CATIP: variants seen among roughly 807,000 people sequenced by gnomAD.
CATIP encodes the protein ciliogenesis-associated TTC17-interacting protein.
Under a neutral mutation model 42.5 loss-of-function variants are expected in CATIP, and 40 were observed. That is an observed-to-expected ratio of 0.94 (90% CI 0.73 to 1.22). The LOEUF is 1.22. CATIP is among the 50% of genes most tolerant of loss of function. The probability of loss-of-function intolerance (pLI) is 0.00; values close to 1 mark genes in which losing one functional copy is unlikely to be tolerated. For synonymous variants in CATIP, 222 were observed against 200.2 expected (o/e 1.11, Z -0.92); for missense variants, 489 against 496.0 (o/e 0.99, Z 0.13).
At chr2:218,365,738 T>C (rs572480362) in intron 7 of CATIP, 50 of 152,330 alleles carry the variant, frequency 3.3e-4, no homozygotes, top group African/African-American at 1.2e-3. Flanking sequence ...CCTTTTTATT[T>C]TGAATGCCGC....
In CATIP at chr2:218,360,619, A is replaced by C. The variant is rs1255939163; in HGVS notation, c.422A>C (p.Asp141Ala). 6.2e-7 allele frequency: 1 copy of C among 1,613,836 alleles called. No individual in the cohort carries two copies. Among genetic ancestry groups the C allele is most frequent in the Non-Finnish European group, 8.5e-7 (1 of 1,179,974 alleles). Residue 141 changes from aspartate to alanine, a missense_variant, in exon 5 of 10, where the codon GAT (aspartate) becomes GCT (alanine). By Grantham distance (126) the Asp-to-Ala change is moderately radical (BLOSUM62 -2). Transcript: ENST00000289388. ...MERKMSLLKQ[D>A]DQLAVTRSIK... ...CGGAAGATGAGTTTGCTGAAGCAGG[A>C]TGATCAGCTGGCTGTGACCAGAAGT...
intron 7 of CATIP, 30 bp from the exon 8 acceptor site, chr2:218,366,994 C>A (rs753249235): frequency 8.9e-6 from 14 of 1,573,390 alleles, no homozygotes; most frequent in Non-Finnish European, 1.0e-5. Context: ...TGGGAAGATT[C>A]TCACTCTCAC....
chr2:218,367,935 G>C lies in CATIP; in HGVS notation c.1135G>C (p.Glu379Gln). 6.2e-7 allele frequency: 1 copy of C among 1,603,688 alleles called. No homozygotes were observed. The highest frequency in any genetic ancestry group is 8.5e-7 in the Non-Finnish European group (1 of 1,177,318). The change falls in exon 10 of 10, where the codon GAG becomes CAG. Residue 379 changes from glutamate to glutamine, a missense_variant. Coordinates refer to ENST00000289388, the MANE Select transcript of CATIP (RefSeq NM_198559.2). ...CAACCCTTTCCGCTCCCTGGAGCCG[G>C]AGGGAGACGCCCGCTCGGGGGCGGC... The part of the protein sequence containing the change: ...RPNPFRSLEP[E>Q]GDARSGAA
At chr2:218,363,263 A>G (rs1015984866) in intron 6 of CATIP, among the ~76,000 whole-genome samples, 1 of 144,570 alleles carries the variant, frequency 6.9e-6, no homozygotes, top group Non-Finnish European at 1.5e-5. Context: ...GGCCGATCAC[A>G]AGGTCAGGAG....
chr2:218,357,511 T>A lies in CATIP; in HGVS notation c.119-23T>A, dbSNP rs767459688. The A allele has an allele frequency of 3.1e-6, 5 of 1,605,800 alleles. No homozygotes were observed. The East Asian group carries it at 1.1e-4, about 36-fold the overall frequency. On this transcript the variant is annotated intron_variant, in intron 2 of 9. Coordinates refer to ENST00000289388, the MANE Select transcript of CATIP (RefSeq NM_198559.2). Reference sequence around the variant, plus strand: ...GGCCCAGGAGCAGGGGCTTTATCTGTTCCCACGGGCCCCTCACCCCAGACA... The same window carrying A: ...GGCCCAGGAGCAGGGGCTTTATCTGATCCCACGGGCCCCTCACCCCAGACA...
chr2:218,366,910 C>A, intron 7 of CATIP, 114 bp from the exon 8 acceptor site: 1 of 795,676 alleles, frequency 1.3e-6, no homozygotes, highest in Non-Finnish European at 2.2e-6. Flanking sequence ...ACGTAATGAC[C>A]TCCCCAAAGC....
intron 4 of CATIP, among the ~76,000 whole-genome samples, chr2:218,360,041 G>C (rs957702300): frequency 6.6e-6 from 1 of 152,008 alleles, no homozygotes; most frequent in African/African-American, 2.4e-5. Context: ...GGCCAGGCTG[G>C]TCTTGAACTC....
In CATIP at chr2:218,367,092, G is replaced by A. The variant is rs756386693; in HGVS notation, c.824G>A (p.Arg275Lys). 2 of 1,612,480 alleles carry A rather than the reference G, an allele frequency of 1.2e-6. No individual in the cohort carries two copies. The highest frequency in any genetic ancestry group is 1.1e-5 in the South Asian group (1 of 91,024). Reference sequence around the variant, plus strand: ...ATCATCACCAAGATGCCCATCTTGAGGGAAGAGGGTGAGTGAAGCCCAGGC... The same window carrying A: ...ATCATCACCAAGATGCCCATCTTGAAGGAAGAGGGTGAGTGAAGCCCAGGC... ...CCIITKMPILREEDEIEPRPV... is the reference protein window; with the variant it reads ...CCIITKMPILKEEDEIEPRPV... Residue 275 changes from arginine to lysine, a missense_variant, in exon 8 of 10, where the codon AGG (arginine) becomes AAG (lysine). By Grantham distance (26) the Arg-to-Lys change is conservative (BLOSUM62 2). Coordinates refer to ENST00000289388, the MANE Select transcript of CATIP (RefSeq NM_198559.2).
In CATIP at chr2:218,367,980, G is replaced by C. The variant is rs1204998652; in HGVS notation, c.*16G>C. On this transcript the variant is annotated 3_prime_UTR_variant, in exon 10 of 10. Coordinates refer to ENST00000289388, the MANE Select transcript of CATIP (RefSeq NM_198559.2). ...GGCGGCCTAAGCGGGGCCCAGGCCC[G>C]GACAGGGCAGGAAACCAGGGGTCGG... 2 of 1,542,576 alleles carry C rather than the reference G, an allele frequency of 1.3e-6. No homozygotes were observed. The highest frequency in any genetic ancestry group is 1.7e-6 in the Non-Finnish European group (2 of 1,149,226).
At chr2:218,357,769 C>A in intron 3 of CATIP, 35 bp downstream of exon 3, 2 of 1,581,296 alleles carry the variant, frequency 1.3e-6, no homozygotes, top group Non-Finnish European at 1.7e-6. Flanking sequence ...CGTCACTCTC[C>A]CCTTCCTCCA....
intron 2 of CATIP, 132 bp from the exon 3 acceptor site, chr2:218,357,402 T>C (rs1695067105): frequency 2.5e-6 from 2 of 798,662 alleles, no homozygotes; most frequent in East Asian, 2.6e-5. Flanking sequence ...CACCTGTCCG[T>C]GCCAGTGAGG....
chr2:218,367,188 A>G, intron 8 of CATIP, 88 bp downstream of exon 8: 1 of 1,033,430 alleles, frequency 9.7e-7, no homozygotes, highest in Non-Finnish European at 1.5e-6. Context: ...GGCTGGACCC[A>G]GTGTGCTGTA....
chr2:218,360,741 G>A (rs1373027788), intron 5 of CATIP, 82 bp downstream of exon 5: 3 of 1,132,162 alleles, frequency 2.6e-6, no homozygotes, highest in Non-Finnish European at 3.9e-6. Flanking sequence ...AATTTAGAGA[G>A]TTTATTTTGC....
At chr2:218,364,518 T>C in intron 6 of CATIP, 110 bp from the exon 7 acceptor site, 1 of 1,454,240 alleles carries the variant, frequency 6.9e-7, no homozygotes, top group Non-Finnish European at 9.3e-7. Flanking sequence ...GATGCAATAT[T>C]AAATGTCTTG....
intron 7 of CATIP, among the ~76,000 whole-genome samples, chr2:218,365,093 C>G (rs1251598975): frequency 6.6e-6 from 1 of 152,118 alleles, no homozygotes; most frequent in African/African-American, 2.4e-5. Flanking sequence ...GCCGTGCAGT[C>G]TCCAGCAAAG....
At position 218,367,853 on chromosome 2, in the gene CATIP, C is replaced by A. The variant is rs150790572; in HGVS notation, c.1053C>A (p.Phe351Leu). ...EDVVTFAAEF[F>L]GPFDPWRPSS... ...TGGTCACCTTCGCCGCCGAGTTCTT[C>A]GGCCCCTTCGACCCGTGGCGTCCGT... Residue 351 changes from phenylalanine to leucine, a missense_variant, in exon 10 of 10, where the codon TTC becomes TTA. Coordinates refer to ENST00000289388, the MANE Select transcript of CATIP (RefSeq NM_198559.2). The A allele has an allele frequency of 6.2e-7, 1 of 1,613,118 alleles. No homozygotes were observed. Among genetic ancestry groups the A allele is most frequent in the Non-Finnish European group, 8.5e-7 (1 of 1,179,886 alleles).
rs368373488 is a variant in CATIP at position 218,360,697 on chromosome 2, T to C, written c.462+38T>C. The C allele has an allele frequency of 2.1e-5, 31 of 1,473,558 alleles. No homozygotes were observed. The African/African-American group carries it at 3.6e-4, about 17-fold the overall frequency. 91.3% of individuals were successfully genotyped at this position (1,473,558 alleles called of 1,614,324 possible). ...GCCAGATGGGAGTTGCACTACACAC[T>C]GTGAACCCAGAATATCTGAGACAGG... On this transcript the variant is annotated intron_variant, in intron 5 of 9. Coordinates refer to ENST00000289388, the MANE Select transcript of CATIP (RefSeq NM_198559.2).
intron 4 of CATIP, among the ~76,000 whole-genome samples, chr2:218,359,606 G>A (rs1695164018): frequency 6.6e-6 from 1 of 152,034 alleles, no homozygotes; most frequent in Admixed American, 6.6e-5. Flanking sequence ...GAGGAGGGCT[G>A]GTGTGGGCTG....
Position 218,357,160 on chromosome 2 carries a change from G to A in CATIP, c.91G>A (p.Glu31Lys), listed in dbSNP as rs367774661. The change falls in exon 2 of 10, where the codon GAA becomes AAA. Residue 31 changes from glutamate (E) to lysine (K), a missense_variant. Physicochemically the swap from Glu to Lys is moderately conservative, Grantham distance 56. Coordinates refer to ENST00000289388, the MANE Select transcript of CATIP (RefSeq NM_198559.2). The stretch of plus-strand genomic sequence containing the variant: ...TCTGCCACTCCCAGAGGCCAATGCT[G>A]AAGCCATCGACTTCCTCAGCTCCCT... ...ECLPLPEANAEAIDFLSSLHK... is the reference protein window; with the variant it reads ...ECLPLPEANAKAIDFLSSLHK... The A allele has an allele frequency of 2.0e-5, 33 of 1,613,796 alleles. No homozygotes were observed. The highest frequency in any genetic ancestry group is 2.7e-5 in the Non-Finnish European group (32 of 1,179,946).
Sources: gnomAD v4.1 joint callset for allele counts (sites outside exome capture counted in the v4.1 genomes callset) on GRCh38, gnomAD v4.1.1 for gene constraint, MANE v1.5 for transcripts, NCBI Gene and HGNC (gene_info 2026-07-23, HGNC 2026-07-21) for gene names.